The following GCN1 variants were observed in gnomAD, a reference collection of about 807,000 sequenced individuals.
GCN1 encodes the protein stalled ribosome sensor GCN1.
Under a neutral mutation model 288.4 loss-of-function variants are expected in GCN1, and 90 were observed. The observed-to-expected ratio is 0.31, with a 90% CI of 0.26 to 0.37. GCN1 has a LOEUF of 0.37. Among genes scored for constraint, GCN1 ranks in the 10% least tolerant of loss-of-function variants. GCN1 has a pLI of 1.00. For missense variants in GCN1, 2,586 were observed against 3,419.9 expected, an observed-to-expected ratio of 0.76 and a Z score of 6.08; for synonymous variants, 1,386 against 1,420.2, an observed-to-expected ratio of 0.98 and a Z score of 0.54.
Position 120,148,663 on chromosome 12 carries a change from A to T in GCN1, c.4547-317T>A, listed in dbSNP as rs115375887. Among the ~76,000 whole-genome samples, 930 of 152,274 alleles carry T rather than the reference A, an allele frequency of 6.1e-3. 9 individuals carry two copies. The highest frequency in any genetic ancestry group is 0.02 in the African/African-American group (847 of 41,542). ...ATTTCTCTGAACTGTTTCTTCATCC[A>T]CAAATGAGGAAACTGATTTAGATTT... On this transcript the variant is annotated intron_variant, in intron 36 of 57. Transcript: ENST00000300648.
At chr12:120,169,291 A>AG (rs1301852454) in intron 15 of GCN1, among the ~76,000 whole-genome samples, 17 of 84,140 alleles carry the variant, frequency 2.0e-4, no homozygotes, top group Admixed American at 1.1e-3. Context: ...AAAAAAAAAA[A>AG]AAAAGAAAAA....
chr12:120,164,852 G>T, intron 16 of GCN1, 131 bp from the exon 17 acceptor site: 2 of 526,544 alleles, frequency 3.8e-6, no homozygotes, highest in South Asian at 2.9e-5. Context: ...CACTCGAAGT[G>T]AAATTACAGC....
intron 5 of GCN1, among the ~76,000 whole-genome samples, chr12:120,181,507 G>A (rs1036080579): frequency 1.4e-5 from 2 of 140,116 alleles, no homozygotes. Flanking sequence ...GAATCATGGT[G>A]TGTGTATAAA....
At chr12:120,192,786 T>C (rs1594294041) in intron 1 of GCN1, among the ~76,000 whole-genome samples, 1 of 150,782 alleles carries the variant, frequency 6.6e-6, no homozygotes, top group East Asian at 2.0e-4. Context: ...GGTTCACGCC[T>C]GTAATCCCAG....
chr12:120,184,248 G>C lies in GCN1; in HGVS notation c.186-5C>G, dbSNP rs180727077. On this transcript the variant is annotated splice_polypyrimidine_tract_variant and splice_region_variant and intron_variant, in intron 3 of 57. Coordinates refer to ENST00000300648, the MANE Select transcript of GCN1 (RefSeq NM_006836.2). ...GCCCTGCGGGAGGCTGCATCTCTAGGGGGAGAGGCAAAGGAAAGGGTGAAC... is the reference window on the plus strand; with the variant it reads ...GCCCTGCGGGAGGCTGCATCTCTAGCGGGAGAGGCAAAGGAAAGGGTGAAC... The C allele has an allele frequency of 9.4e-4, 1,509 of 1,611,050 alleles. 28 individuals carry two copies. The East Asian group carries it at 0.026, about 28-fold the overall frequency.
intron 33 of GCN1, among the ~76,000 whole-genome samples, chr12:120,151,914 C>T (rs1428730319): frequency 6.6e-6 from 1 of 152,242 alleles, no homozygotes; most frequent in African/African-American, 2.4e-5. Flanking sequence ...CGAGGCCATG[C>T]TGGCAGGTGC....
At chr12:120,150,675 T>C (rs187818258) in intron 34 of GCN1, among the ~76,000 whole-genome samples, 4 of 151,012 alleles carry the variant, frequency 2.6e-5, no homozygotes, top group Middle Eastern at 3.2e-3. Flanking sequence ...CGGTGGTTCA[T>C]GCCTGTAATC....
At position 120,138,967 on chromosome 12, in the gene GCN1, C is replaced by T. The variant is rs142069974; in HGVS notation, c.5995-111G>A. 3.3e-3 allele frequency: 2,705 copies of T among 816,866 alleles called. 47 individuals are homozygous for T. The Admixed American group carries it at 0.043, about 13-fold the overall frequency. The allele number at this position is 816,866 out of a possible 1,614,324, so 50.6% of individuals were successfully genotyped here. A position where few individuals can be genotyped will look rare whatever the true frequency, so the allele number is the denominator to read the frequency against. On this transcript the variant is annotated intron_variant, in intron 45 of 57. Transcript: ENST00000300648. ...GACCCAGCTAGGCCACCCTAACTCT[C>T]TTTGCCTGACTTGTCTTTTAACTTA...
chr12:120,149,617 C>T lies in GCN1; in HGVS notation c.4535G>A (p.Arg1512Gln), dbSNP rs1436580832. The T allele has an allele frequency of 7.4e-6, 12 of 1,612,248 alleles. No homozygotes were observed. The highest frequency in any genetic ancestry group is 1.1e-5 in the South Asian group (1 of 91,050). ...LLAALEEESWRTKAGSVELLG... is the reference protein window; with the variant it reads ...LLAALEEESWQTKAGSVELLG... ...GCGAGTGGTCTTACCAGCTTTGGTCCGCCACGATTCCTCCTCCAGGGCAGC... is the reference window on the plus strand; with the variant it reads ...GCGAGTGGTCTTACCAGCTTTGGTCTGCCACGATTCCTCCTCCAGGGCAGC... The change falls in exon 36 of 58, where the codon CGG becomes CAG. Residue 1512 changes from arginine (R) to glutamine (Q), a missense_variant. Arg to Gln is a conservative substitution (Grantham distance 43, BLOSUM62 1). Coordinates refer to ENST00000300648, the MANE Select transcript of GCN1 (RefSeq NM_006836.2).
chr12:120,155,318 G>C lies in GCN1; in HGVS notation c.3553C>G (p.Gln1185Glu). 1 of 1,614,200 alleles carries C rather than the reference G, an allele frequency of 6.2e-7. No homozygotes were observed. Among genetic ancestry groups the C allele is most frequent in the Non-Finnish European group, 8.5e-7 (1 of 1,180,026 alleles). Reference sequence around the variant, plus strand: ...TGCCGCTGGTAACGTGCCACTGCTTGGGAGAGGGCTTCGGCCCCTGCCTGC... The same window carrying C: ...TGCCGCTGGTAACGTGCCACTGCTTCGGAGAGGGCTTCGGCCCCTGCCTGC... ...VRQAGAEALS[Q>E]AVARYQRQAA... is the part of the protein sequence containing the mutation. Residue 1185 changes from glutamine to glutamate, a missense_variant, in exon 30 of 58, where the codon CAA becomes GAA. This residue lies in a region of GCN1 where 332 missense variants were observed against 403.0 expected (regional missense o/e 0.82). Transcript: ENST00000300648. This position sits in a 1 kb window ranked among gnomAD's most constrained non-coding sequence, Gnocchi z 4.9.
intron 15 of GCN1, 62 bp downstream of exon 15, chr12:120,170,107 C>A: frequency 6.9e-7 from 1 of 1,447,494 alleles, no homozygotes; most frequent in South Asian, 1.2e-5. Flanking sequence ...CAAGACACAC[C>A]TCCCAAGGAC....
At chr12:120,160,047 G>A (rs1245971300) in intron 23 of GCN1, 24 bp from the exon 24 acceptor site, 1 of 1,606,996 alleles carries the variant, frequency 6.2e-7, no homozygotes, top group South Asian at 1.1e-5. Context: ...TGTCCAGAAG[G>A]CAGGTCAGCA....
In GCN1 at chr12:120,137,163, C is replaced by T. The variant is rs766916034; in HGVS notation, c.6777+43G>A. ...AGGGGTAAGGGCCAGAAGGGCACAA[C>T]AGACTGCACGCCCACAGCCCCCTGC... On this transcript the variant is annotated intron_variant, in intron 50 of 57. Transcript: ENST00000300648. This position sits in a 1 kb window ranked among gnomAD's most constrained non-coding sequence, Gnocchi z 5.2. 2.1e-6 allele frequency: 3 copies of T among 1,417,582 alleles called. No individual in the cohort carries two copies. Among genetic ancestry groups the T allele is most frequent in the East Asian group, 2.3e-5 (1 of 43,962 alleles). 87.8% of individuals were successfully genotyped at this position (1,417,582 alleles called of 1,614,324 possible).
chr12:120,136,421 T>C, intron 51 of GCN1, 81 bp downstream of exon 51: 11 of 1,062,530 alleles, frequency 1.0e-5, no homozygotes, highest in Non-Finnish European at 1.6e-5. Flanking sequence ...TCTGTTGCCC[T>C]GCTGCTACAT....
rs1878293605 is a variant in GCN1 at position 120,170,931 on chromosome 12, CG to C, written c.1367-611del. Among the ~76,000 whole-genome samples the C allele has an allele frequency of 5.9e-5, 9 of 151,560 alleles. No individual in the cohort carries two copies. The South Asian group carries it at 1.9e-3, about 32-fold the overall frequency. On this transcript the variant is annotated intron_variant, in intron 14 of 57. Coordinates refer to ENST00000300648, the MANE Select transcript of GCN1 (RefSeq NM_006836.2). ...ATCCCAGCACTTTGGCAGGCTGAGGCGGGGGGGATCATGAGGTCAGGAATTC... is the reference window on the plus strand; with the variant it reads ...ATCCCAGCACTTTGGCAGGCTGAGGCGGGGGGATCATGAGGTCAGGAATTC...
chr12:120,147,626 T>C (rs1261718301), intron 37 of GCN1, among the ~76,000 whole-genome samples: 1 of 152,264 alleles, frequency 6.6e-6, no homozygotes, highest in African/African-American at 2.4e-5. Flanking sequence ...AATGTATTTG[T>C]TAACTTTTCC....
At chr12:120,165,390 G>A (rs1878088143) in intron 16 of GCN1, among the ~76,000 whole-genome samples, 1 of 152,030 alleles carries the variant, frequency 6.6e-6, no homozygotes. Flanking sequence ...GGTTGGACTT[G>A]AACTCCTGAC....
At chr12:120,190,829 G>A (rs1041091790) in intron 1 of GCN1, among the ~76,000 whole-genome samples, 25 of 152,126 alleles carry the variant, frequency 1.6e-4, no homozygotes, top group African/African-American at 6.0e-4. Flanking sequence ...TGCCAACTAT[G>A]TTCCCTTTAC....
rs1877045884 is a variant in GCN1, at chr12:120,137,458, C to T, written c.6663+87G>A. 3.4e-6 allele frequency: 5 copies of T among 1,471,674 alleles called. No homozygotes were observed. Among genetic ancestry groups the T allele is most frequent in the African/African-American group, 1.4e-5 (1 of 72,038 alleles). The allele number at this position is 1,471,674 out of a possible 1,614,324, so 91.2% of individuals were successfully genotyped here. ...AAACGCCGAAGCTGAGTGACAGGTA[C>T]GTGGGGGATTCTTATAAGTCTATTC... On this transcript the variant is annotated intron_variant, in intron 49 of 57. Coordinates refer to ENST00000300648, the MANE Select transcript of GCN1 (RefSeq NM_006836.2). The surrounding 1 kb of genome is among the most constrained non-coding windows in gnomAD (Gnocchi z 5.2).
Sources: gnomAD v4.1 joint callset for allele counts (sites outside exome capture counted in the v4.1 genomes callset) on GRCh38, gnomAD v4.1.1 for gene constraint, gnomAD v4.1.1 regional missense constraint, Gnocchi (gnomAD v3.1) non-coding constraint, MANE v1.5 for transcripts, NCBI Gene and HGNC (gene_info 2026-07-23, HGNC 2026-07-21) for gene names.